Variants in SEC16A observed in about 807,000 individuals in gnomAD.
The protein encoded by SEC16A is SEC16 homolog A, endoplasmic reticulum export factor.
Under a neutral mutation model 221.9 loss-of-function variants are expected in SEC16A, and 110 were observed. The ratio of observed to expected loss-of-function variants is 0.50; its 90% CI spans 0.42 to 0.58. The LOEUF is 0.58. Among genes scored for constraint, SEC16A ranks in the 20% least tolerant of loss-of-function variants. The pLI, the probability that SEC16A is intolerant of heterozygous loss-of-function variation, is 0.00. For synonymous variants in SEC16A, 1,393 were observed against 1,257.7 expected, an observed-to-expected ratio of 1.11 and a Z score of -2.28; for missense variants, 3,165 against 3,097.8, an observed-to-expected ratio of 1.02 and a Z score of -0.52.
rs1191191225 is a variant in SEC16A, at chr9:136,477,526, A to C, written c.90T>G (p.Pro30=). 6.2e-7 allele frequency: 1 copy of C among 1,613,768 alleles called. No homozygotes were observed. The highest frequency in any genetic ancestry group is 8.5e-7 in the Non-Finnish European group (1 of 1,179,886). ...CATTATTATTAGCCCGTCTCCTGTA[A>C]GGGCTGCTAGCCCAGAACACGCTCC... ...NPRSVFWASS[P]YRRRANNNAA... The change falls in exon 3 of 32, where the codon CCT becomes CCG. Residue 30 remains proline, a synonymous_variant. Transcript: ENST00000684901.
chr9:136,455,915 C>A, intron 19 of SEC16A, 122 bp from the exon 20 acceptor site: 1 of 1,219,118 alleles, frequency 8.2e-7, no homozygotes, highest in African/African-American at 1.5e-5. Context: ...AAAGCCCTTT[C>A]TGGGGAATTA....
chr9:136,451,997 T>G (rs965838823), intron 22 of SEC16A, among the ~76,000 whole-genome samples: 6 of 152,144 alleles, frequency 3.9e-5, no homozygotes, highest in Admixed American at 6.5e-5. Context: ...CCCTCCTGGT[T>G]AGGAGTAGAG....
Position 136,477,434 on chromosome 9 carries a change from G to A in SEC16A, c.182C>T (p.Ala61Val), listed in dbSNP as rs779447176. The change falls in exon 3 of 32, where the codon GCG becomes GTG. Residue 61 changes from alanine (A) to valine (V), a missense_variant. By Grantham distance (64) the Ala-to-Val change is moderately conservative. Around this residue, in one of 3 missense-constraint regions of SEC16A, gnomAD observed 2,030 missense variants for 1,923.1 expected, o/e 1.06. Coordinates refer to ENST00000684901, the MANE Select transcript of SEC16A (RefSeq NM_014866.2). ...VTDPFAFSRQ[A>V]LQSTPLGSSS... ...ACTGCCCAGTGGTGTACTTTGGAGC[G>A]CCTGTCTACTAAAAGCAAATGGATC... The A allele has an allele frequency of 5.6e-6, 9 of 1,613,864 alleles. No individual in the cohort carries two copies. The highest frequency in any genetic ancestry group is 1.7e-5 in the Admixed American group (1 of 59,994).
rs760025987 is a variant in SEC16A at position 136,451,377 on chromosome 9, G to A, written c.6191C>T (p.Ala2064Val). 9.3e-6 allele frequency: 15 copies of A among 1,611,932 alleles called. No individual in the cohort carries two copies. The highest frequency in any genetic ancestry group is 1.7e-4 in the Middle Eastern group (1 of 6,052). Reference protein sequence around the residue: ...TPSRTVPDSEAPPGWDRADSG... With the variant: ...TPSRTVPDSEVPPGWDRADSG... Reference sequence around the variant, plus strand: ...GTCGGCACGATCCCACCCTGGGGGGGCCTCCGAGTCTGGCACCGTCCTCGA... The same window carrying A: ...GTCGGCACGATCCCACCCTGGGGGGACCTCCGAGTCTGGCACCGTCCTCGA... Residue 2064 changes from alanine to valine, a missense_variant, in exon 23 of 32, where the codon GCC becomes GTC. By Grantham distance (64) the Ala-to-Val change is moderately conservative. This residue lies in a region of SEC16A where 1,088 missense variants were observed against 1,089.6 expected (regional missense o/e 1.00). Coordinates refer to ENST00000684901, the MANE Select transcript of SEC16A (RefSeq NM_014866.2).
chr9:136,483,132 G>A (rs1316072939), upstream of SEC16A: 10 of 506,872 alleles, frequency 2.0e-5, no homozygotes, highest in Admixed American at 4.4e-4. Context: ...TCGGCTCGTC[G>A]GCCCAGACGC....
rs375110996 is a variant in SEC16A, at chr9:136,477,196, C to G, written c.420G>C (p.Arg140Ser). Reference sequence around the variant, plus strand: ...CTGAACTGGGACCGACCTCTGCACTCCTGTTCATCTCAGGCCCAGGAGGTG... The same window carrying G: ...CTGAACTGGGACCGACCTCTGCACTGCTGTTCATCTCAGGCCCAGGAGGTG... ...PSAPPGPEMN[R>S]SAEVGPSSEP... The change falls in exon 3 of 32, where the codon AGG becomes AGC. Residue 140 changes from arginine to serine, a missense_variant. By Grantham distance (110) the Arg-to-Ser change is moderately radical. Around this residue, in one of 3 missense-constraint regions of SEC16A, gnomAD observed 2,030 missense variants for 1,923.1 expected, o/e 1.06. Coordinates refer to ENST00000684901, the MANE Select transcript of SEC16A (RefSeq NM_014866.2). The G allele has an allele frequency of 6.2e-7, 1 of 1,613,770 alleles. No homozygotes were observed. The highest frequency in any genetic ancestry group is 1.7e-5 in the Admixed American group (1 of 60,006).
chr9:136,479,730 C>A (rs1842084673), intron 1 of SEC16A, among the ~76,000 whole-genome samples: 1 of 152,126 alleles, frequency 6.6e-6, no homozygotes. Flanking sequence ...GAAGAAAACA[C>A]TGGCCAGGTG....
chr9:136,446,804 G>A lies in SEC16A; in HGVS notation c.6792+51C>T, dbSNP rs980490831. ...GCAAGGCCCTGTCTGGCAGGATGGG[G>A]AGGTGCCTCCTCACTGGGTACCTTT... On this transcript the variant is annotated intron_variant, in intron 28 of 31. Transcript: ENST00000684901. The A allele has an allele frequency of 1.4e-5, 22 of 1,533,500 alleles. No individual in the cohort carries two copies. In the African/African-American group the frequency reaches 2.5e-4, roughly 17 times the overall value. The allele number at this position is 1,533,500 out of a possible 1,614,324, so 95.0% of individuals were successfully genotyped here.
At chr9:136,449,199 G>T (rs571037558) in intron 23 of SEC16A, among the ~76,000 whole-genome samples, 1 of 152,212 alleles carries the variant, frequency 6.6e-6, no homozygotes, top group African/African-American at 2.4e-5. Flanking sequence ...CATGTGTGGA[G>T]AATTCGGTTA....
At chr9:136,462,428 T>A (rs1481169334) in intron 12 of SEC16A, among the ~76,000 whole-genome samples, 1 of 152,198 alleles carries the variant, frequency 6.6e-6, no homozygotes, top group African/African-American at 2.4e-5. Context: ...CACTGGACGC[T>A]ACACGCACTG....
At chr9:136,448,061 C>A in intron 24 of SEC16A, 23 bp downstream of exon 24, 2 of 1,598,286 alleles carry the variant, frequency 1.3e-6, no homozygotes, top group Non-Finnish European at 1.7e-6. Flanking sequence ...TCGGACGTCC[C>A]GTGCGTATTT....
rs1256790668 is a variant in SEC16A, at chr9:136,459,624, C to T, written c.5192-69G>A. 3.8e-5 allele frequency: 53 copies of T among 1,387,696 alleles called. No individual in the cohort carries two copies. The highest frequency in any genetic ancestry group is 4.7e-5 in the Non-Finnish European group (47 of 1,002,686). The allele number at this position is 1,387,696 out of a possible 1,614,324, so 86.0% of individuals were successfully genotyped here. A position where few individuals can be genotyped will look rare whatever the true frequency, so the allele number is the denominator to read the frequency against. ...GGAGCGCTTGCAGAAGTCAAGGACG[C>T]GCACAGAAGGCACCAGAGACGCCAG... On this transcript the variant is annotated intron_variant, in intron 15 of 31. Transcript: ENST00000684901. The surrounding 1 kb of genome is among the most constrained non-coding windows in gnomAD (Gnocchi z 6.1).
In SEC16A at chr9:136,459,067, C is replaced by A. The variant is rs1588931012; in HGVS notation, c.5409+67G>T. On this transcript the variant is annotated intron_variant, in intron 17 of 31. Transcript: ENST00000684901. The surrounding 1 kb of genome is among the most constrained non-coding windows in gnomAD (Gnocchi z 6.1). ...ATACCAATTCAAACAATCTAAGTAG[C>A]CAAAAGCTTGTTAGCACTGAGTGCC... The A allele has an allele frequency of 8.5e-7, 1 of 1,170,386 alleles. No individual in the cohort carries two copies. Among genetic ancestry groups the A allele is most frequent in the East Asian group, 2.5e-5 (1 of 40,078 alleles). The allele number at this position is 1,170,386 out of a possible 1,614,324, so 72.5% of individuals were successfully genotyped here.
At position 136,477,631 on chromosome 9, in the gene SEC16A, C is replaced by T. The variant is rs200589123; in HGVS notation, c.-16G>A. 1 of 1,583,120 alleles carries T rather than the reference C, an allele frequency of 6.3e-7. No homozygotes were observed. Among genetic ancestry groups the T allele is most frequent in the South Asian group, 1.1e-5 (1 of 89,186 alleles). The stretch of plus-strand genomic sequence containing the variant: ...GTGGCTGCATGACTGAACCCTTGCA[C>T]AAGTCGATGCTGCTTACAGAAGGAA... On this transcript the variant is annotated 5_prime_UTR_variant, in exon 3 of 32. It adds an upstream start codon to the 5' untranslated region. Coordinates refer to ENST00000684901, the MANE Select transcript of SEC16A (RefSeq NM_014866.2).
At chr9:136,444,218 G>A in intron 30 of SEC16A, 1 of 208,774 alleles carries the variant, frequency 4.8e-6, no homozygotes, top group Admixed American at 5.2e-5. Flanking sequence ...TAAGGCTCCA[G>A]CCATGACACG....
intron 8 of SEC16A, among the ~76,000 whole-genome samples, chr9:136,465,156 C>T (rs1187775515): frequency 1.3e-5 from 2 of 151,770 alleles, no homozygotes; most frequent in African/African-American, 4.9e-5. Context: ...TGAAACAATA[C>T]TTTAAGAAAG....
chr9:136,454,050 C>T (rs1231845160), intron 21 of SEC16A, 59 bp downstream of exon 21: 1 of 1,430,746 alleles, frequency 7.0e-7, no homozygotes, highest in Non-Finnish European at 9.6e-7. Flanking sequence ...CCACCAATCC[C>T]CACAAACACC....
upstream of SEC16A, chr9:136,483,104 C>T (rs1037252804): frequency 9.2e-5 from 75 of 816,822 alleles, no homozygotes; most frequent in East Asian, 5.6e-3. Flanking sequence ...GCGCGCGCCC[C>T]GCCCCTGGCC....
chr9:136,451,259 C>G lies in SEC16A; in HGVS notation c.6309G>C (p.Lys2103Asn), dbSNP rs760119742. Reference protein sequence around the residue: ...QAAKKETKEPKKGESWFFRWL... With the variant: ...QAAKKETKEPNKGESWFFRWL... ...CACCGTGGGCAGGCTGTACTACCTT[C>G]TTAGGTTCCTTCGTTTCTTTCTTGG... The change falls in exon 23 of 32, where the codon AAG (lysine) becomes AAC (asparagine). Residue 2103 changes from lysine (K) to asparagine (N), a missense_variant. Around this residue, in one of 3 missense-constraint regions of SEC16A, gnomAD observed 1,088 missense variants for 1,089.6 expected, o/e 1.00. Coordinates refer to ENST00000684901, the MANE Select transcript of SEC16A (RefSeq NM_014866.2). 14 of 1,610,658 alleles carry G rather than the reference C, an allele frequency of 8.7e-6. No individual in the cohort carries two copies. In the East Asian group the frequency reaches 2.9e-4, roughly 33 times the overall value.
Sources: gnomAD v4.1 joint callset for allele counts (sites outside exome capture counted in the v4.1 genomes callset) on GRCh38, gnomAD v4.1.1 for gene constraint, gnomAD v4.1.1 regional missense constraint, Gnocchi (gnomAD v3.1) non-coding constraint, MANE v1.5 for transcripts, NCBI Gene and HGNC (gene_info 2026-07-23, HGNC 2026-07-21) for gene names.